The following DGKH variants were observed in gnomAD, a reference collection of about 807,000 sequenced individuals.
DGKH encodes the protein DAG kinase eta.
Under a neutral mutation model 159.3 loss-of-function variants are expected in DGKH, and 90 were observed. That is an observed-to-expected ratio of 0.57 (90% CI 0.48 to 0.67). DGKH has a LOEUF of 0.67. Among genes scored for constraint, DGKH ranks in the 30% least tolerant of loss-of-function variants. The pLI, the probability that DGKH is intolerant of heterozygous loss-of-function variation, is 0.00. For missense variants in DGKH, 1,181 were observed against 1,506.1 expected (o/e 0.78, Z 3.57); for synonymous variants, 536 against 553.8 (o/e 0.97, Z 0.45).
intron 6 of DGKH, 98 bp from the exon 7 acceptor site, chr13:42,159,913 A>C: frequency 6.4e-7 from 1 of 1,564,726 alleles, no homozygotes; most frequent in Non-Finnish European, 8.7e-7. Flanking sequence ...GAAACGTACT[A>C]CTGACCCTCT....
upstream of DGKH, among the ~76,000 whole-genome samples, chr13:42,047,877 G>A (rs1490301799): frequency 3.3e-5 from 5 of 152,204 alleles, no homozygotes; most frequent in African/African-American, 1.2e-4. Flanking sequence ...GTCTTGGGCT[G>A]CGTGTAGTCT....
At chr13:42,148,891 C>A in intron 3 of DGKH, among the ~76,000 whole-genome samples, 1 of 151,314 alleles carries the variant, frequency 6.6e-6, no homozygotes, top group Non-Finnish European at 1.5e-5. Flanking sequence ...TCCCCGCCGA[C>A]ATACACAGGA....
At chr13:42,152,885 C>T (rs982925955) in intron 3 of DGKH, among the ~76,000 whole-genome samples, 1 of 152,122 alleles carries the variant, frequency 6.6e-6, no homozygotes, top group African/African-American at 2.4e-5. Flanking sequence ...CATGGGCCAG[C>T]AGGTCCTGGG....
chr13:42,059,328 C>CA (rs1881978835), intron 1 of DGKH, among the ~76,000 whole-genome samples: 1 of 151,892 alleles, frequency 6.6e-6, no homozygotes, highest in Admixed American at 6.6e-5. Flanking sequence ...CAGCTCACTG[C>CA]AGCCTCTGCC....
intron 13 of DGKH, among the ~76,000 whole-genome samples, chr13:42,184,901 C>G (rs914084267): frequency 6.7e-6 from 1 of 149,832 alleles, no homozygotes. Flanking sequence ...AAAAAAAGTT[C>G]TAACATTGAT....
chr13:42,193,142 A>G (rs772467878), intron 16 of DGKH, among the ~76,000 whole-genome samples: 14 of 152,156 alleles, frequency 9.2e-5, no homozygotes, highest in South Asian at 2.1e-4. Flanking sequence ...TCTATTAGAA[A>G]GTGTTGATTA....
In DGKH at chr13:42,151,644, G is replaced by T. The variant is rs559215337; in HGVS notation, c.385-3647G>T. 1.7e-4 allele frequency among the ~76,000 whole-genome samples: 24 copies of T among 141,280 alleles called. No homozygotes were observed. In the South Asian group the frequency reaches 5.5e-3, roughly 33 times the overall value. The allele number at this position is 141,280 out of a possible 152,430, so 92.7% of individuals were successfully genotyped here. On this transcript the variant is annotated intron_variant, in intron 3 of 29. Transcript: ENST00000337343. ...TGGAAAACTACTCAGTCATAAAAAA[G>T]AATAAAATATATATATATCACATTT... is the stretch of plus-strand genomic sequence containing the variant.
At chr13:42,207,693 G>GTATATA (rs368253963) in intron 21 of DGKH, among the ~76,000 whole-genome samples, 17,134 of 126,242 alleles carry the variant, frequency 0.14, 1,930 homozygotes, top group African/African-American at 0.28. Flanking sequence ...TTATTAAAGT[G>GTATATA]TGTATATATA....
chr13:42,069,510 A>G, intron 1 of DGKH: 1 of 1,586,390 alleles, frequency 6.3e-7, no homozygotes, highest in Non-Finnish European at 8.6e-7. Context: ...CAATAAAGGA[A>G]TGAAAATCAA....
chr13:42,236,634 C>T lies in DGKH; in HGVS notation c.*7446C>T, dbSNP rs1958417794. The T allele has an allele frequency of 6.6e-6, 1 of 152,152 alleles. No homozygotes were observed. The highest frequency in any genetic ancestry group is 2.4e-5 in the African/African-American group (1 of 41,448). The allele number at this position is 152,152 out of a possible 1,614,324, so 9.4% of individuals were successfully genotyped here. A position where few individuals can be genotyped will look rare whatever the true frequency, so the allele number is the denominator to read the frequency against. ...TGACATTCAAATGAACATTAGGAAT[C>T]TTGAACCATGGCTGAGCGCTGTTGC... On this transcript the variant is annotated 3_prime_UTR_variant, in exon 30 of 30. Transcript: ENST00000337343.
Position 42,189,326 on chromosome 13 carries a change from T to C in DGKH, c.1912+17T>C. The C allele has an allele frequency of 2.5e-6, 4 of 1,611,978 alleles. No individual in the cohort carries two copies. The highest frequency in any genetic ancestry group is 3.4e-6 in the Non-Finnish European group (4 of 1,178,318). On this transcript the variant is annotated intron_variant, in intron 15 of 29. Coordinates refer to ENST00000337343, the MANE Select transcript of DGKH (RefSeq NM_178009.5). ...CCGGAAAAGGTACACATTAACAAATTTAGCTTTGGAAGAAGTTGGCAGCAT... is the reference window on the plus strand; with the variant it reads ...CCGGAAAAGGTACACATTAACAAATCTAGCTTTGGAAGAAGTTGGCAGCAT...
At position 42,159,263 on chromosome 13, in the gene DGKH, T is replaced by TTTTTTTTA; in HGVS notation, c.623-3_623-2insTTTTTTTA. 1 of 1,249,720 alleles carries TTTTTTTTA rather than the reference T, an allele frequency of 8.0e-7. No individual in the cohort carries two copies. The highest frequency in any genetic ancestry group is 2.2e-4 in the Middle Eastern group (1 of 4,634). 77.4% of individuals were successfully genotyped at this position (1,249,720 alleles called of 1,614,324 possible). On this transcript the variant is annotated splice_polypyrimidine_tract_variant and splice_region_variant and intron_variant, in intron 5 of 29. Coordinates refer to ENST00000337343, the MANE Select transcript of DGKH (RefSeq NM_178009.5). ...GTTGCTCTTTTTTTTTTTTTTTTTT[T>TTTTTTTTA]AGTGTGTAAATTCAAGGCTCACAAA...
intron 13 of DGKH, among the ~76,000 whole-genome samples, chr13:42,185,043 G>A (rs1956879407): frequency 6.6e-6 from 1 of 151,978 alleles, no homozygotes; most frequent in African/African-American, 2.4e-5. Flanking sequence ...GTGTATAGTT[G>A]GAGAATATCT....
intron 1 of DGKH, among the ~76,000 whole-genome samples, chr13:42,081,534 TCTC>T (rs1293618281): frequency 6.6e-6 from 1 of 152,238 alleles, no homozygotes; most frequent in Admixed American, 6.5e-5. Context: ...CTGGCCTTTT[TCTC>T]CTATTTTTAA....
Position 42,237,479 on chromosome 13 carries a change from T to C in DGKH, c.*8291T>C, listed in dbSNP as rs1039669320. On this transcript the variant is annotated 3_prime_UTR_variant, in exon 30 of 30. Coordinates refer to ENST00000337343, the MANE Select transcript of DGKH (RefSeq NM_178009.5). ...TTGAATTGGTAATTTGGCAAAGATT[T>C]GGGAACAAATAGTTTGAACATAGAT... is the stretch of plus-strand genomic sequence containing the variant. 3 of 152,228 alleles carry C rather than the reference T, an allele frequency of 2.0e-5. No homozygotes were observed. Among genetic ancestry groups the C allele is most frequent in the Non-Finnish European group, 4.4e-5 (3 of 68,034 alleles). The allele number at this position is 152,228 out of a possible 1,614,324, so 9.4% of individuals were successfully genotyped here.
chr13:42,095,156 CTTTTTTTT>C (rs776422302), intron 1 of DGKH, among the ~76,000 whole-genome samples: 1 of 76,802 alleles, frequency 1.3e-5, no homozygotes, highest in Non-Finnish European at 2.3e-5. Context: ...ATGTTGACTC[CTTTTTTTT>C]TTTTTTTTTT....
chr13:42,078,381 G>T (rs1170180), intron 1 of DGKH, among the ~76,000 whole-genome samples: 10,063 of 152,200 alleles, frequency 0.066, 659 homozygotes, highest in African/African-American at 0.17. Flanking sequence ...ATACCTACAG[G>T]GCTGGTGACT....
intron 1 of DGKH, among the ~76,000 whole-genome samples, chr13:42,111,032 C>T (rs1471049871): frequency 6.6e-6 from 1 of 152,014 alleles, no homozygotes; most frequent in African/African-American, 2.4e-5. Flanking sequence ...CCTGCACATC[C>T]TGCACATGCA....
At chr13:42,092,468 T>A (rs1954437370) in intron 1 of DGKH, among the ~76,000 whole-genome samples, 1 of 152,132 alleles carries the variant, frequency 6.6e-6, no homozygotes, top group Non-Finnish European at 1.5e-5. Flanking sequence ...CTGGAGGTCA[T>A]TATATGAAGG....
Sources: gnomAD v4.1 joint callset for allele counts (sites outside exome capture counted in the v4.1 genomes callset) on GRCh38, gnomAD v4.1.1 for gene constraint, MANE v1.5 for transcripts, NCBI Gene and HGNC (gene_info 2026-07-23, HGNC 2026-07-21) for gene names.